INAVA: variants seen among roughly 807,000 people sequenced by gnomAD.
INAVA encodes the protein innate immunity activator protein.
A neutral mutation model predicts 55.3 loss-of-function variants in INAVA; 32 were observed. The observed-to-expected ratio is 0.58, with a 90% CI of 0.44 to 0.78. INAVA has a LOEUF of 0.78. INAVA is among the 30% of genes least tolerant of loss of function. INAVA has a pLI of 0.00. For synonymous variants in INAVA, 294 were observed against 329.4 expected (o/e 0.89, Z 1.16); for missense variants, 756 against 786.4 (o/e 0.96, Z 0.46).
At chr1:200,911,364 A>G (rs923565176) in intron 8 of INAVA, 89 bp from the exon 9 acceptor site, 1 of 1,212,962 alleles carries the variant, frequency 8.2e-7, no homozygotes, top group Admixed American at 1.8e-5. Flanking sequence ...GTAGAGCAGG[A>G]CTCACCTGTT....
chr1:200,908,028 G>A (rs1653566285), intron 6 of INAVA, 141 bp downstream of exon 6: 1 of 601,388 alleles, frequency 1.7e-6, no homozygotes, highest in Non-Finnish European at 3.1e-6. Context: ...TGGACTTCAT[G>A]TCAATTTCCG....
At position 200,906,682 on chromosome 1, in the gene INAVA, C is replaced by A. The variant is rs563233182; in HGVS notation, c.521-1152C>A. ...GCCAGATCACCAACTGAAGAAACTT[C>A]CCTGGGGCCAGCTGGCCAGACCTTA... On this transcript the variant is annotated intron_variant, in intron 5 of 9. Transcript: ENST00000413687. 1.1e-3 allele frequency among the ~76,000 whole-genome samples: 174 copies of A among 152,302 alleles called. 1 individual carries two copies. Among genetic ancestry groups the A allele is most frequent in the African/African-American group, 4.0e-3 (168 of 41,562 alleles).
intron 1 of INAVA, among the ~76,000 whole-genome samples, chr1:200,895,601 T>C (rs1668329906): frequency 6.6e-6 from 1 of 152,032 alleles, no homozygotes; most frequent in Admixed American, 6.6e-5. Context: ...CACTTAAGAC[T>C]CATAGCCTCC....
intron 5 of INAVA, 152 bp downstream of exon 5, chr1:200,901,311 A>G (rs1176909450): frequency 1.2e-5 from 9 of 734,838 alleles, no homozygotes; most frequent in East Asian, 3.1e-5. Flanking sequence ...ATTCTCTCCA[A>G]CTCCAGCAAG....
At chr1:200,893,606 G>A (rs1668278112), upstream of INAVA, among the ~76,000 whole-genome samples, 1 of 152,210 alleles carries the variant, frequency 6.6e-6, no homozygotes, top group Non-Finnish European at 1.5e-5. Context: ...GGCGGGGGGA[G>A]GAAGAACTGT....
rs762007926 is a variant in INAVA, at chr1:200,899,586, C to T, written c.169C>T (p.Leu57Phe). 2.8e-5 allele frequency: 45 copies of T among 1,612,272 alleles called. No individual in the cohort carries two copies. In the Admixed American group the frequency reaches 3.3e-4, roughly 12 times the overall value. Residue 57 changes from leucine (L) to phenylalanine (F), a missense_variant, in exon 3 of 10, where the codon CTT becomes TTT. Physicochemically the swap from Leu to Phe is conservative, Grantham distance 22. Transcript: ENST00000413687. The stretch of plus-strand genomic sequence containing the variant: ...CCTGGAGGAGCTGAGGAGACTCTGC[C>T]TTCGGGAAGCGGTGAGGCCCCAGCC... ...ACLEELRRLC[L>F]REAELTGTLP...
Position 200,913,670 on chromosome 1 carries a change from C to T in INAVA, c.*41C>T, listed in dbSNP as rs1557972203. ...TGGAAAAAACTGTTTCATAGAGGGG[C>T]TGGGCTGAGACCCCCCCACCCCTGA... is the stretch of plus-strand genomic sequence containing the variant. On this transcript the variant is annotated 3_prime_UTR_variant, in exon 10 of 10. Transcript: ENST00000413687. 1.3e-6 allele frequency: 2 copies of T among 1,530,280 alleles called. No homozygotes were observed. The highest frequency in any genetic ancestry group is 1.8e-6 in the Non-Finnish European group (2 of 1,108,416). The allele number at this position is 1,530,280 out of a possible 1,614,324, so 94.8% of individuals were successfully genotyped here. A position where few individuals can be genotyped will look rare whatever the true frequency, so the allele number is the denominator to read the frequency against.
At chr1:200,894,873 T>A, upstream of INAVA, 1 of 985,590 alleles carries the variant, frequency 1.0e-6, no homozygotes, top group East Asian at 1.1e-4. Flanking sequence ...ACTCAAGTCA[T>A]AACAAGTAAC....
In INAVA at chr1:200,912,089, G is replaced by A. The variant is rs1188547102; in HGVS notation, c.1596G>A (p.Leu532=). ...AAGGAGCTTTCCGGGTCAGGAGCCT[G>A]CCCCTTGGGAGAGAGGGCTTCGGAC... ...DRQGAFRVRS[L]PLGREGFGRA... The change falls in exon 9 of 10, where the codon CTG becomes CTA. Residue 532 remains leucine (L), a synonymous_variant. Coordinates refer to ENST00000413687, the MANE Select transcript of INAVA (RefSeq NM_001142569.3). The A allele has an allele frequency of 9.0e-6, 14 of 1,549,058 alleles. No individual in the cohort carries two copies. The highest frequency in any genetic ancestry group is 1.7e-4 in the Middle Eastern group (1 of 6,006).
chr1:200,892,708 G>T (rs563951054), upstream of INAVA, among the ~76,000 whole-genome samples: 101 of 152,292 alleles, frequency 6.6e-4, 1 homozygote, highest in African/African-American at 2.4e-3. Flanking sequence ...GGCCTCTGGA[G>T]TGCCCACCTC....
chr1:200,893,647 G>C (rs1668278870), upstream of INAVA, among the ~76,000 whole-genome samples: 1 of 152,192 alleles, frequency 6.6e-6, no homozygotes, highest in African/African-American at 2.4e-5. Context: ...CCTCAGCCTG[G>C]GCAGAAAATG....
At position 200,898,323 on chromosome 1, in the gene INAVA, C is replaced by T. The variant is rs868248097; in HGVS notation, c.-78C>T. ...TCTTTAAAGCTGGGGAAGCTCCAGG[C>T]TACCTACACAACCTGGCCCAGGCTG... On this transcript the variant is annotated 5_prime_UTR_variant, in exon 2 of 10. Transcript: ENST00000413687. The T allele has an allele frequency of 6.2e-7, 1 of 1,611,798 alleles. No homozygotes were observed. Among genetic ancestry groups the T allele is most frequent in the Admixed American group, 1.7e-5 (1 of 59,068 alleles).
chr1:200,908,721 C>T lies in INAVA; in HGVS notation c.575-9C>T, dbSNP rs533497656. ...CTCTGGCCTTACCAGGTTTCTTTTACTCCTGCAGAGGAATCCCAAGTGCCA... is the reference window on the plus strand; with the variant it reads ...CTCTGGCCTTACCAGGTTTCTTTTATTCCTGCAGAGGAATCCCAAGTGCCA... On this transcript the variant is annotated splice_polypyrimidine_tract_variant and intron_variant, in intron 6 of 9. Transcript: ENST00000413687. 13 of 1,545,084 alleles carry T rather than the reference C, an allele frequency of 8.4e-6. No individual in the cohort carries two copies. The highest frequency in any genetic ancestry group is 3.7e-5 in the South Asian group (3 of 80,870).
intron 5 of INAVA, 63 bp downstream of exon 5, chr1:200,901,222 C>T: frequency 7.1e-7 from 1 of 1,402,358 alleles, no homozygotes; most frequent in Non-Finnish European, 9.4e-7. Flanking sequence ...ATGGTGGGCG[C>T]ACAGCCCCGT....
chr1:200,896,706 C>T (rs747359975), intron 1 of INAVA, among the ~76,000 whole-genome samples: 2 of 152,248 alleles, frequency 1.3e-5, no homozygotes, highest in South Asian at 4.1e-4. Flanking sequence ...TCGTCCTGCT[C>T]TTATCATCTT....
intron 5 of INAVA, among the ~76,000 whole-genome samples, chr1:200,903,984 G>A (rs766603888): frequency 1.9e-4 from 29 of 152,090 alleles, no homozygotes; most frequent in Non-Finnish European, 3.4e-4. Context: ...TCATTTACTA[G>A]AGTGAACCGC....
At chr1:200,910,173 C>T (rs966122285) in intron 8 of INAVA, among the ~76,000 whole-genome samples, 3 of 152,134 alleles carry the variant, frequency 2.0e-5, no homozygotes, top group African/African-American at 7.2e-5. Flanking sequence ...GGACACTGTG[C>T]ACTTACAGCA....
At position 200,906,396 on chromosome 1, in the gene INAVA, G is replaced by C. The variant is rs1392281423; in HGVS notation, c.521-1438G>C. On this transcript the variant is annotated intron_variant, in intron 5 of 9. Coordinates refer to ENST00000413687, the MANE Select transcript of INAVA (RefSeq NM_001142569.3). ...TAGCCAGGCATAGTGGTGTGTGCCTGTAATCCCAGCTACTCGGGAGGCTGA... is the reference window on the plus strand; with the variant it reads ...TAGCCAGGCATAGTGGTGTGTGCCTCTAATCCCAGCTACTCGGGAGGCTGA... The C allele has an allele frequency of 2.0e-5, 3 of 152,174 alleles. No homozygotes were observed. The East Asian group carries it at 5.8e-4, about 30-fold the overall frequency. The allele number at this position is 152,174 out of a possible 1,614,324, so 9.4% of individuals were successfully genotyped here.
Position 200,911,416 on chromosome 1 carries a change from C to T in INAVA, c.960-37C>T, listed in dbSNP as rs1275815550. The T allele has an allele frequency of 1.2e-5, 19 of 1,560,768 alleles. No homozygotes were observed. In the South Asian group the frequency reaches 1.6e-4, roughly 13 times the overall value. ...CCCCAACCCCAGTGTGGAGTTTCTG[C>T]CCCCCACACTCAGAATGCCTCTCTT... On this transcript the variant is annotated intron_variant, in intron 8 of 9. Transcript: ENST00000413687.
Sources: gnomAD v4.1 joint callset for allele counts (sites outside exome capture counted in the v4.1 genomes callset) on GRCh38, gnomAD v4.1.1 for gene constraint, MANE v1.5 for transcripts, NCBI Gene and HGNC (gene_info 2026-07-23, HGNC 2026-07-21) for gene names.